Variants in LRP12 observed in about 807,000 individuals in gnomAD.
LRP12 encodes the protein low-density lipoprotein receptor-related protein 12.
A neutral mutation model predicts 66.0 loss-of-function variants in LRP12; 14 were observed. That is an observed-to-expected ratio of 0.21 (90% CI 0.14 to 0.33). The LOEUF is 0.33. Among genes scored for constraint, LRP12 ranks in the 10% least tolerant of loss-of-function variants. LRP12 has a pLI of 1.00. For missense variants in LRP12, 889 were observed against 1,053.4 expected, an observed-to-expected ratio of 0.84 and a Z score of 2.16; for synonymous variants, 357 against 359.1, an observed-to-expected ratio of 0.99 and a Z score of 0.07.
chr8:104,578,289 T>G (rs961197770), intron 1 of LRP12, among the ~76,000 whole-genome samples: 4 of 151,952 alleles, frequency 2.6e-5, no homozygotes, highest in African/African-American at 9.7e-5. Flanking sequence ...TAGAAAAATC[T>G]AGAAGAAATG....
chr8:104,569,885 G>C (rs1364334500), intron 1 of LRP12, among the ~76,000 whole-genome samples: 1 of 152,042 alleles, frequency 6.6e-6, no homozygotes, highest in Non-Finnish European at 1.5e-5. Flanking sequence ...CATATTCACA[G>C]AAGACATAAT....
chr8:104,531,885 A>T (rs554541762), intron 2 of LRP12, 22 bp downstream of exon 2: 3 of 1,524,090 alleles, frequency 2.0e-6, no homozygotes, highest in Non-Finnish European at 2.7e-6. Flanking sequence ...ATGAAATTTA[A>T]ACATTACAAA....
At position 104,546,351 on chromosome 8, in the gene LRP12, C is replaced by T. The variant is rs531482315; in HGVS notation, c.80-14388G>A. Among the ~76,000 whole-genome samples, 11 of 152,230 alleles carry T rather than the reference C, an allele frequency of 7.2e-5. No homozygotes were observed. The South Asian group carries it at 2.3e-3, about 32-fold the overall frequency. ...AGCAACCAACACTACAATCAAGACACAAAACATTTCCATAACCCAAAAAAG... is the reference window on the plus strand; with the variant it reads ...AGCAACCAACACTACAATCAAGACATAAAACATTTCCATAACCCAAAAAAG... On this transcript the variant is annotated intron_variant, in intron 1 of 6. Transcript: ENST00000276654.
intron 6 of LRP12, among the ~76,000 whole-genome samples, chr8:104,493,559 G>T (rs1454057444): frequency 1.3e-5 from 2 of 152,172 alleles, no homozygotes; most frequent in East Asian, 3.9e-4. Flanking sequence ...CTTTGCCTGG[G>T]GGCCTTGGAC....
intron 1 of LRP12, among the ~76,000 whole-genome samples, chr8:104,575,392 G>A (rs1330074913): frequency 6.6e-6 from 1 of 152,222 alleles, no homozygotes; most frequent in Non-Finnish European, 1.5e-5. Flanking sequence ...TGCCACAGGT[G>A]CTGCAAGTTG....
chr8:104,530,263 G>A (rs1323062960), intron 2 of LRP12, among the ~76,000 whole-genome samples: 1 of 151,962 alleles, frequency 6.6e-6, no homozygotes, highest in Non-Finnish European at 1.5e-5. Flanking sequence ...AGACTGAATT[G>A]TGTCCCCCCT....
chr8:104,540,700 T>C (rs1055201551), intron 1 of LRP12, among the ~76,000 whole-genome samples: 1 of 152,190 alleles, frequency 6.6e-6, no homozygotes, highest in Non-Finnish European at 1.5e-5. Context: ...ACATTACTTT[T>C]AATGAAAAGA....
chr8:104,547,815 A>ATAT (rs1192675087), intron 1 of LRP12, among the ~76,000 whole-genome samples: 2 of 125,934 alleles, frequency 1.6e-5, no homozygotes, highest in African/African-American at 6.0e-5. Flanking sequence ...ATATAATTCT[A>ATAT]TATACTTTGT....
intron 1 of LRP12, among the ~76,000 whole-genome samples, chr8:104,568,042 T>G (rs1481642941): frequency 6.6e-6 from 1 of 152,172 alleles, no homozygotes; most frequent in African/African-American, 2.4e-5. Context: ...AAAGCGACAC[T>G]AATGAAGACA....
At chr8:104,578,469 C>A (rs1392450828) in intron 1 of LRP12, among the ~76,000 whole-genome samples, 2 of 152,094 alleles carry the variant, frequency 1.3e-5, no homozygotes, top group Admixed American at 1.3e-4. Context: ...CAAAGAAGAG[C>A]TGGTACTGTT....
rs1810878771 is a variant in LRP12 at position 104,504,669 on chromosome 8, TAA to T, written c.272+4268_272+4269del. ...ATGATGTACAGTCTTTGAAATGTATTAAGAGTTCCTTTGTGATGTGAAACATA... is the reference window on the plus strand; with the variant it reads ...ATGATGTACAGTCTTTGAAATGTATTGAGTTCCTTTGTGATGTGAAACATA... On this transcript the variant is annotated intron_variant, in intron 3 of 6. Transcript: ENST00000276654. The T allele has an allele frequency of 2.6e-5, 4 of 152,224 alleles. No individual in the cohort carries two copies. In the South Asian group the frequency reaches 8.3e-4, roughly 32 times the overall value. 9.4% of individuals were successfully genotyped at this position (152,224 alleles called of 1,614,324 possible).
chr8:104,505,250 G>T, intron 3 of LRP12: 1 of 151,866 alleles, frequency 6.6e-6, no homozygotes, highest in Non-Finnish European at 1.5e-5. Flanking sequence ...GAATTCCTGA[G>T]CCTACCTTGG....
intron 3 of LRP12, among the ~76,000 whole-genome samples, chr8:104,501,897 C>T (rs1039709848): frequency 6.6e-6 from 1 of 152,094 alleles, no homozygotes; most frequent in African/African-American, 2.4e-5. Flanking sequence ...CCTAAGATAT[C>T]TTGGTGTTTC....
chr8:104,548,197 T>C (rs866527860), intron 1 of LRP12, among the ~76,000 whole-genome samples: 7 of 85,164 alleles, frequency 8.2e-5, no homozygotes, highest in African/African-American at 2.7e-4. Context: ...TATATATAAA[T>C]ATATGATATA....
At position 104,489,775 on chromosome 8, in the gene LRP12, A is replaced by T. The variant is rs1810588432; in HGVS notation, c.*898T>A. 6.6e-6 allele frequency: 1 copy of T among 152,568 alleles called. No individual in the cohort carries two copies. Among genetic ancestry groups the T allele is most frequent in the South Asian group, 2.1e-4 (1 of 4,836 alleles). 9.5% of individuals were successfully genotyped at this position (152,568 alleles called of 1,614,324 possible). A position where few individuals can be genotyped will look rare whatever the true frequency, so the allele number is the denominator to read the frequency against. On this transcript the variant is annotated 3_prime_UTR_variant, in exon 7 of 7. Transcript: ENST00000276654. ...TTAAAGTGATAGTGCTTGTGCACTAAGCTCATCTGAGACCTTGATATAATT... is the reference window on the plus strand; with the variant it reads ...TTAAAGTGATAGTGCTTGTGCACTATGCTCATCTGAGACCTTGATATAATT...
intron 1 of LRP12, among the ~76,000 whole-genome samples, chr8:104,585,172 C>T (rs527474364): frequency 6.6e-6 from 1 of 152,346 alleles, no homozygotes; most frequent in East Asian, 1.9e-4. Context: ...ATCTGCAACT[C>T]TTGAAGTTTA....
intron 1 of LRP12, among the ~76,000 whole-genome samples, chr8:104,574,939 T>C (rs1403463258): frequency 3.9e-5 from 6 of 151,954 alleles, no homozygotes; most frequent in Non-Finnish European, 8.8e-5. Context: ...CCAGGAAGAC[T>C]CCCCAAAGGA....
Position 104,508,922 on chromosome 8 carries a change from C to T in LRP12, c.272+17G>A, listed in dbSNP as rs1317065393. On this transcript the variant is annotated intron_variant, in intron 3 of 6. Transcript: ENST00000276654. ...TTTTGTAATAAATTATATAGTAATA[C>T]AGAAAGGTAGAATTACCTTATAGTA... 1 of 1,599,466 alleles carries T rather than the reference C, an allele frequency of 6.3e-7. No individual in the cohort carries two copies. Among genetic ancestry groups the T allele is most frequent in the Non-Finnish European group, 8.5e-7 (1 of 1,171,048 alleles).
chr8:104,513,790 G>C (rs1811032708), intron 2 of LRP12, among the ~76,000 whole-genome samples: 1 of 152,132 alleles, frequency 6.6e-6, no homozygotes, highest in African/African-American at 2.4e-5. Flanking sequence ...TAATTCCAAA[G>C]CCCTCTGCTC....
Sources: allele counts gnomAD v4.1 joint callset (sites outside exome capture counted in the v4.1 genomes callset), GRCh38; gene constraint gnomAD v4.1.1; transcripts MANE v1.5; gene names NCBI Gene and HGNC (gene_info 2026-07-23, HGNC 2026-07-21).